The following TH variants were observed in gnomAD, a reference collection of about 807,000 sequenced individuals.
TH encodes the protein tyrosine 3-monooxygenase.
A neutral mutation model predicts 57.4 loss-of-function variants in TH; 49 were observed. That is an observed-to-expected ratio of 0.85 (90% CI 0.68 to 1.08). TH has a LOEUF of 1.08. TH is among the 50% of genes least tolerant of loss of function. TH has a pLI of 0.00. For missense variants in TH, 720 were observed against 696.7 expected (o/e 1.03, Z -0.38); for synonymous variants, 330 against 304.5 (o/e 1.08, Z -0.87).
intron 9 of TH, 200 bp downstream of exon 9, chr11:2,166,280 G>A: frequency 1.1e-6 from 1 of 896,244 alleles, no homozygotes; most frequent in Non-Finnish European, 1.7e-6. Context: ...TTCCCAGGTA[G>A]CCGGCAGGTG....
At chr11:2,166,288 G>C in intron 9 of TH, 192 bp downstream of exon 9, 1 of 920,378 alleles carries the variant, frequency 1.1e-6, no homozygotes, top group African/African-American at 1.6e-5. Flanking sequence ...TAGCCGGCAG[G>C]TGGCAGCACA....
chr11:2,169,955 G>A, intron 1 of TH, 84 bp from the exon 2 acceptor site: 1 of 1,356,958 alleles, frequency 7.4e-7, no homozygotes, highest in Non-Finnish European at 1.0e-6. Flanking sequence ...CAGTCGGGCA[G>A]CGCTGATGGC....
rs757145977 is a variant in TH at position 2,171,756 on chromosome 11, C to T, written c.31G>A (p.Ala11Thr). 2.5e-6 allele frequency: 4 copies of T among 1,612,680 alleles called. No homozygotes were observed. In the Admixed American group the frequency reaches 6.7e-5, roughly 27 times the overall value. The change falls in exon 1 of 13, where the codon GCC becomes ACC. Residue 11 changes from alanine to threonine, a missense_variant. Coordinates refer to ENST00000352909, the MANE Select transcript of TH (RefSeq NM_000360.4). This position sits in a 1 kb window ranked among gnomAD's most constrained non-coding sequence, Gnocchi z 8.6. MPTPDATTPQ[A>T]KGFRRAVSEL... ...GACACGGCCCTGCGGAAGCCCTTGG[C>T]CTGTGGCGTGGTGGCGTCGGGGGTG...
chr11:2,169,671 G>A lies in TH; in HGVS notation c.291C>T (p.Ser97=). 6.2e-7 allele frequency: 1 copy of A among 1,613,450 alleles called. No homozygotes were observed. Among genetic ancestry groups the A allele is most frequent in the African/African-American group, 1.3e-5 (1 of 74,984 alleles). The change falls in exon 2 of 13, where the codon TCC becomes TCT. Residue 97 remains serine (S), a synonymous_variant. Transcript: ENST00000352909. ...SPRATKPSAL[S]RAVKVFETFE... is the part of the protein sequence containing the mutation. ...TCACCTCAAACACCTTCACAGCTCG[G>A]GACAGCGCCGAGGGCTTGGTGGCCC...
rs367962981 is a variant in TH at position 2,165,276 on chromosome 11, G to A, written c.1290C>T (p.Val430=). The change falls in exon 12 of 13, where the codon GTC becomes GTT. Residue 430 remains valine, a synonymous_variant. Transcript: ENST00000352909. The part of the protein sequence containing the change: ...QPYQDQTYQS[V]YFVSESFSDA... ...CACTGAAGCTCTCAGACACGAAGTAGACTGACTGGTACGTCTGGTCTTGGT... is the reference window on the plus strand; with the variant it reads ...CACTGAAGCTCTCAGACACGAAGTAAACTGACTGGTACGTCTGGTCTTGGT... 61 of 1,612,804 alleles carry A rather than the reference G, an allele frequency of 3.8e-5. No individual in the cohort carries two copies. Among genetic ancestry groups the A allele is most frequent in the Non-Finnish European group, 4.7e-5 (56 of 1,180,014 alleles).
chr11:2,165,083 C>T (rs1846049507), intron 12 of TH, 149 bp downstream of exon 12: 2 of 1,195,654 alleles, frequency 1.7e-6, no homozygotes, highest in South Asian at 2.6e-5. Context: ...GATGGTGTCC[C>T]TGCTGTGTGG....
At chr11:2,169,554 C>T in intron 2 of TH, 96 bp downstream of exon 2, 1 of 1,259,848 alleles carries the variant, frequency 7.9e-7, no homozygotes. Flanking sequence ...GGGGCCTGGG[C>T]AGCTGCACCT....
At position 2,164,178 on chromosome 11, in the gene TH, C is replaced by T. The variant is rs558734234; in HGVS notation, c.*55G>A. The T allele has an allele frequency of 2.2e-5, 29 of 1,344,458 alleles. No individual in the cohort carries two copies. Among genetic ancestry groups the T allele is most frequent in the African/African-American group, 1.5e-4 (10 of 66,084 alleles). The allele number at this position is 1,344,458 out of a possible 1,614,324, so 83.3% of individuals were successfully genotyped here. A position where few individuals can be genotyped will look rare whatever the true frequency, so the allele number is the denominator to read the frequency against. On this transcript the variant is annotated 3_prime_UTR_variant, in exon 13 of 13. Transcript: ENST00000352909. ...CAGCCCCTCACCAGGGCCTGAGCTC[C>T]GGGACAGTGCAGGACCAGGGGAGGT...
At chr11:2,167,534 G>T in intron 5 of TH, 49 bp from the exon 6 acceptor site, 1 of 1,541,890 alleles carries the variant, frequency 6.5e-7, no homozygotes, top group South Asian at 1.2e-5. Flanking sequence ...AGTGAGAAGG[G>T]CAGGAGGGAG....
At chr11:2,166,338 G>T (rs1487033204) in intron 9 of TH, 142 bp downstream of exon 9, 9 of 1,186,294 alleles carry the variant, frequency 7.6e-6, no homozygotes, top group Non-Finnish European at 9.3e-6. Context: ...CCTATGCCGC[G>T]CGACCCTCGG....
chr11:2,165,957 C>A (rs1293261725), intron 10 of TH, 45 bp downstream of exon 10: 2 of 1,546,940 alleles, frequency 1.3e-6, no homozygotes, highest in Admixed American at 2.0e-5. Flanking sequence ...TGGATTCAGA[C>A]CCCCAAACCC....
At position 2,166,999 on chromosome 11, in the gene TH, G is replaced by C; in HGVS notation, c.729C>G (p.Tyr243Ter). 1 of 1,588,872 alleles carries C rather than the reference G, an allele frequency of 6.3e-7. No homozygotes were observed. The highest frequency in any genetic ancestry group is 8.6e-7 in the Non-Finnish European group (1 of 1,168,044). ...GGTGCTCCCCGCAGGCGTGCGTGGCGTAGAGGCCCTTCAGCGTGGTGTAGA... is the reference window on the plus strand; with the variant it reads ...GGTGCTCCCCGCAGGCGTGCGTGGCCTAGAGGCCCTTCAGCGTGGTGTAGA... ...KEVYTTLKGL[Y>*]ATHACGEHLE... Residue 243 changes from tyrosine (Y) to a stop codon, truncating the protein, a stop_gained, in exon 7 of 13, where the codon TAC becomes TAG. Transcript: ENST00000352909. LOFTEE classifies it high-confidence loss of function.
chr11:2,166,475 C>G lies in TH; in HGVS notation c.1047+5G>C. 6.3e-7 allele frequency: 1 copy of G among 1,579,216 alleles called. No individual in the cohort carries two copies. The highest frequency in any genetic ancestry group is 1.1e-5 in the South Asian group (1 of 87,316). ...ACCCCGGCTCCCTCCGAGGCCGCGG[C>G]GTACCTGCGAGAACTGCGCGAAGGT... On this transcript the variant is annotated splice_donor_5th_base_variant and intron_variant, in intron 9 of 12. Coordinates refer to ENST00000352909, the MANE Select transcript of TH (RefSeq NM_000360.4).
At chr11:2,166,610 T>A (rs760716178) in intron 8 of TH, 23 bp downstream of exon 8, 1 of 1,582,710 alleles carries the variant, frequency 6.3e-7, no homozygotes, top group African/African-American at 1.3e-5. Flanking sequence ...ACCCTCGGGC[T>A]GGCGGCCAGG....
At chr11:2,167,626 C>A (rs1465248564) in intron 5 of TH, 141 bp from the exon 6 acceptor site, 6 of 1,159,110 alleles carry the variant, frequency 5.2e-6, no homozygotes, top group African/African-American at 1.5e-5. Flanking sequence ...GGAGGGTGCA[C>A]CCCAGCTGAC....
chr11:2,168,722 A>AG, intron 2 of TH, 57 bp from the exon 3 acceptor site: 3 of 152,794 alleles, frequency 2.0e-5, no homozygotes, highest in South Asian at 5.1e-5. Flanking sequence ...AGATGGAGAG[A>AG]GAGGGTGGGG....
rs953630463 is a variant in TH, at chr11:2,166,406, C to T, written c.1047+74G>A. 4 of 1,509,336 alleles carry T rather than the reference C, an allele frequency of 2.7e-6. No individual in the cohort carries two copies. The African/African-American group carries it at 5.5e-5, about 21-fold the overall frequency. The allele number at this position is 1,509,336 out of a possible 1,614,324, so 93.5% of individuals were successfully genotyped here. A position where few individuals can be genotyped will look rare whatever the true frequency, so the allele number is the denominator to read the frequency against. The stretch of plus-strand genomic sequence containing the variant: ...AGGCAGCACACTTCACCCACCCGCA[C>T]ATCGATCCCCGCCCGCCCCCGGCGC... On this transcript the variant is annotated intron_variant, in intron 9 of 12. Transcript: ENST00000352909.
intron 2 of TH, 128 bp downstream of exon 2, chr11:2,169,522 G>T: frequency 1.1e-6 from 1 of 890,334 alleles, no homozygotes; most frequent in Non-Finnish European, 1.8e-6. Flanking sequence ...AGACTCCCCT[G>T]CTGCATCCTG....
In TH at chr11:2,168,675, C is replaced by T; in HGVS notation, c.313-10G>A. ...TTTTGGCTTCAAACGTCTTAGGGAG[C>T]AAAAGCAGGAAGAGAGAGAGAAGGA... On this transcript the variant is annotated splice_polypyrimidine_tract_variant and intron_variant, in intron 2 of 12. Coordinates refer to ENST00000352909, the MANE Select transcript of TH (RefSeq NM_000360.4). The T allele has an allele frequency of 7.3e-7, 1 of 1,369,204 alleles. No individual in the cohort carries two copies. The highest frequency in any genetic ancestry group is 9.6e-7 in the Non-Finnish European group (1 of 1,038,932). 84.8% of individuals were successfully genotyped at this position (1,369,204 alleles called of 1,614,324 possible).
Sources: gnomAD v4.1 joint callset for allele counts on GRCh38, gnomAD v4.1.1 for gene constraint, Gnocchi (gnomAD v3.1) non-coding constraint, MANE v1.5 for transcripts, NCBI Gene and HGNC (gene_info 2026-07-23, HGNC 2026-07-21) for gene names.